Variants in DAB1 observed in about 807,000 individuals in gnomAD.
DAB1 encodes the protein DAB adaptor protein 1.
In DAB1, 15 loss-of-function variants were observed where a neutral mutation model predicts 64.6. That is an observed-to-expected ratio of 0.23 (90% CI 0.16 to 0.36). DAB1 has a LOEUF of 0.36. Ranked by LOEUF, DAB1 falls within the 10% of genes least tolerant of loss-of-function variation. The probability of loss-of-function intolerance (pLI) is 1.00; values close to 1 mark genes in which losing one functional copy is unlikely to be tolerated. For missense variants in DAB1, 596 were observed against 706.7 expected (o/e 0.84, Z 1.78); for synonymous variants, 235 against 251.9 (o/e 0.93, Z 0.64).
At chr1:57,267,871 T>C (rs1254237887) in intron 2 of DAB1, among the ~76,000 whole-genome samples, 2 of 152,028 alleles carry the variant, frequency 1.3e-5, no homozygotes, top group Non-Finnish European at 2.9e-5. Context: ...TATCCCACGC[T>C]CCCCCATGCT....
At chr1:57,645,295 G>A (rs1646179160) in intron 7 of DAB1, among the ~76,000 whole-genome samples, 1 of 152,188 alleles carries the variant, frequency 6.6e-6, no homozygotes, top group African/African-American at 2.4e-5. Context: ...GCAGAGGGCT[G>A]ACTGAGATGC....
chr1:57,445,760 C>T (rs535659439), intron 7 of DAB1, among the ~76,000 whole-genome samples: 14 of 152,254 alleles, frequency 9.2e-5, no homozygotes, highest in South Asian at 6.2e-4. Flanking sequence ...TTTAAGAATT[C>T]ACCCAAAATA....
intron 6 of DAB1, among the ~76,000 whole-genome samples, chr1:57,798,594 C>T (rs539544622): frequency 1.3e-5 from 2 of 152,216 alleles, no homozygotes; most frequent in Non-Finnish European, 2.9e-5. Flanking sequence ...TGTGGTCTCA[C>T]CTCTCTGTGC....
intron 6 of DAB1, among the ~76,000 whole-genome samples, chr1:57,777,621 C>T (rs1649872376): frequency 6.6e-6 from 1 of 151,808 alleles, no homozygotes; most frequent in Admixed American, 6.6e-5. Flanking sequence ...AGAAGTTTTA[C>T]TTGATTCTTT....
At chr1:57,534,158 G>T (rs1644698055) in intron 7 of DAB1, among the ~76,000 whole-genome samples, 1 of 152,296 alleles carries the variant, frequency 6.6e-6, no homozygotes, top group South Asian at 2.1e-4. Flanking sequence ...GCTCTGAAAT[G>T]AAATTATAGG....
At position 58,374,567 on chromosome 1, in the gene DAB1, G is replaced by C. The variant is rs1266213400; in HGVS notation, n.258-31164C>G. ...TCTGTTTTGGTACCAGTACCATGCT[G>C]TTTTGGTTACTGTAGCCTTGTAGTA... On this transcript the variant is annotated intron_variant and non_coding_transcript_variant, in intron 3 of 20. Transcript: ENST00000485760. 1.8e-3 allele frequency among the ~76,000 whole-genome samples: 270 copies of C among 147,316 alleles called. 2 individuals carry two copies. Among genetic ancestry groups the C allele is most frequent in the African/African-American group, 6.3e-3 (252 of 39,956 alleles).
chr1:57,422,128 G>T (rs1229027868), intron 1 of DAB1, among the ~76,000 whole-genome samples: 2 of 152,136 alleles, frequency 1.3e-5, no homozygotes, highest in Non-Finnish European at 2.9e-5. Flanking sequence ...ATAATTAGGC[G>T]GTTCTGAACG....
intron 7 of DAB1, among the ~76,000 whole-genome samples, chr1:57,549,583 C>T (rs984672805): frequency 3.9e-5 from 6 of 152,146 alleles, no homozygotes; most frequent in Admixed American, 6.5e-5. Context: ...CAAGGACAAT[C>T]TTTAAGAGTC....
intron 7 of DAB1, among the ~76,000 whole-genome samples, chr1:57,648,521 T>G (rs1367373563): frequency 6.6e-6 from 1 of 152,094 alleles, no homozygotes; most frequent in Non-Finnish European, 1.5e-5. Context: ...GATATTTGAG[T>G]CCCTCAGAGT....
At chr1:57,427,874 C>A (rs1244823566), upstream of DAB1, among the ~76,000 whole-genome samples, 4 of 152,124 alleles carry the variant, frequency 2.6e-5, no homozygotes, top group Non-Finnish European at 5.9e-5. Flanking sequence ...CAGTTAAGAT[C>A]TACGCTCTTA....
At position 57,634,398 on chromosome 1, in the gene DAB1, A is replaced by C. The variant is rs115715679; in HGVS notation, n.625+15194T>G. 8.9e-3 allele frequency among the ~76,000 whole-genome samples: 1,353 copies of C among 152,336 alleles called. 12 individuals carry two copies. The highest frequency in any genetic ancestry group is 0.018 in the Admixed American group (269 of 15,306). ...TTCTAAGGTGTAAGTAATTGTGTTA[A>C]AATAGAGATAATAATATATAATCTT... On this transcript the variant is annotated intron_variant and non_coding_transcript_variant, in intron 7 of 20. Coordinates refer to the DAB1 transcript ENST00000485760.
At chr1:58,041,701 C>T (rs1386679278) in intron 5 of DAB1, among the ~76,000 whole-genome samples, 2 of 152,332 alleles carry the variant, frequency 1.3e-5, no homozygotes, top group South Asian at 2.1e-4. Context: ...CTTGACAATG[C>T]CTTGGGCTTG....
intron 7 of DAB1, among the ~76,000 whole-genome samples, chr1:57,438,417 A>G (rs1430598308): frequency 6.6e-6 from 1 of 152,108 alleles, no homozygotes; most frequent in Non-Finnish European, 1.5e-5. Context: ...ATGGCCAATA[A>G]CCATACTGAG....
At chr1:58,359,575 G>T (rs1308045584) in intron 3 of DAB1, among the ~76,000 whole-genome samples, 2 of 151,724 alleles carry the variant, frequency 1.3e-5, no homozygotes, top group African/African-American at 4.8e-5. Context: ...CTACCCCAGG[G>T]GACACAGAGA....
rs1390971339 is a variant in DAB1, at chr1:57,521,392, G to T, written n.625+128200C>A. Among the ~76,000 whole-genome samples, 3 of 152,184 alleles carry T rather than the reference G, an allele frequency of 2.0e-5. No homozygotes were observed. In the East Asian group the frequency reaches 5.8e-4, roughly 29 times the overall value. Reference sequence around the variant, plus strand: ...AGATAATCCCACCAGTCTCGTATATGCAGGCAGTTGCTGATGAATCTTGGG... The same window carrying T: ...AGATAATCCCACCAGTCTCGTATATTCAGGCAGTTGCTGATGAATCTTGGG... On this transcript the variant is annotated intron_variant and non_coding_transcript_variant, in intron 7 of 20. Coordinates refer to the DAB1 transcript ENST00000485760.
chr1:58,415,789 G>C (rs1340063775), intron 3 of DAB1, among the ~76,000 whole-genome samples: 1 of 152,152 alleles, frequency 6.6e-6, no homozygotes, highest in East Asian at 1.9e-4. Flanking sequence ...CCTGCTGCCT[G>C]CTGAAAAAGC....
intron 5 of DAB1, among the ~76,000 whole-genome samples, chr1:58,092,826 C>T (rs918869405): frequency 1.2e-4 from 18 of 152,210 alleles, no homozygotes; most frequent in African/African-American, 3.6e-4. Flanking sequence ...AGCCATCCAC[C>T]GTGCCATTCC....
At chr1:58,489,017 G>A (rs554284947) in intron 3 of DAB1, among the ~76,000 whole-genome samples, 48 of 152,366 alleles carry the variant, frequency 3.2e-4, no homozygotes, top group African/African-American at 1.1e-3. Context: ...CAGCGTCAGC[G>A]ACGCAGAAGA....
intron 1 of DAB1, among the ~76,000 whole-genome samples, chr1:57,348,621 A>G (rs1361485835): frequency 2.0e-5 from 3 of 152,102 alleles, no homozygotes; most frequent in Admixed American, 1.3e-4. Context: ...TCATCTTGCC[A>G]GAGTCAGGAA....
Sources: gnomAD v4.1 joint callset for allele counts (sites outside exome capture counted in the v4.1 genomes callset) on GRCh38, gnomAD v4.1.1 for gene constraint, MANE v1.5 for transcripts, NCBI Gene and HGNC (gene_info 2026-07-23, HGNC 2026-07-21) for gene names.